The following IQSEC1 variants were observed in gnomAD, a reference collection of about 807,000 sequenced individuals.
IQSEC1 encodes the protein IQ motif and SEC7 domain-containing protein 1.
A neutral mutation model predicts 91.0 loss-of-function variants in IQSEC1; 31 were observed. That is an observed-to-expected ratio of 0.34 (90% CI 0.26 to 0.46). IQSEC1 has a LOEUF of 0.46. IQSEC1 is among the 20% of genes least tolerant of loss of function. The pLI is 1.00. For missense variants in IQSEC1, 1,388 were observed against 1,575.6 expected, an observed-to-expected ratio of 0.88 and a Z score of 2.02; for synonymous variants, 699 against 662.6, an observed-to-expected ratio of 1.05 and a Z score of -0.84.
At chr3:13,014,802 T>C (rs1433010003) in intron 1 of IQSEC1, among the ~76,000 whole-genome samples, 1 of 152,104 alleles carries the variant, frequency 6.6e-6, no homozygotes, top group East Asian at 1.9e-4. Flanking sequence ...CCCAACACGC[T>C]CCCAGCCCCA....
intron 1 of IQSEC1, among the ~76,000 whole-genome samples, chr3:12,953,725 G>A (rs1030151183): frequency 2.0e-5 from 3 of 152,188 alleles, no homozygotes; most frequent in Non-Finnish European, 2.9e-5. Flanking sequence ...CTCTGGTCCC[G>A]AATGCTCTGT....
intron 2 of IQSEC1, among the ~76,000 whole-genome samples, chr3:13,107,034 T>C (rs1410597018): frequency 6.6e-6 from 1 of 152,154 alleles, no homozygotes; most frequent in Non-Finnish European, 1.5e-5. Flanking sequence ...CAAGGAAAAG[T>C]AACAGTGAAC....
intron 1 of IQSEC1, among the ~76,000 whole-genome samples, chr3:13,054,017 C>G (rs988199051): frequency 1.3e-5 from 2 of 152,170 alleles, no homozygotes; most frequent in African/African-American, 4.8e-5. Flanking sequence ...GAAACACTTT[C>G]CCCCACTTCG....
intron 1 of IQSEC1, among the ~76,000 whole-genome samples, chr3:13,036,675 G>C (rs919706085): frequency 1.3e-5 from 2 of 152,102 alleles, no homozygotes; most frequent in African/African-American, 2.4e-5. Flanking sequence ...CAGGAAGCTC[G>C]GCCAGCTTCT....
In IQSEC1 at chr3:13,163,761, G is replaced by C. The variant is rs528527463; in HGVS notation, c.302+343C>G. Among the ~76,000 whole-genome samples, 4 of 151,990 alleles carry C rather than the reference G, an allele frequency of 2.6e-5. No individual in the cohort carries two copies. In the East Asian group the frequency reaches 7.8e-4, roughly 29 times the overall value. On this transcript the variant is annotated intron_variant, in intron 2 of 15. Coordinates refer to the IQSEC1 transcript ENST00000648114. ...GCCCAGCCCAGCCCCAGGGGTGTCA[G>C]GTATAGAAGTTTCTGGTCCTAGACG...
chr3:12,924,661 C>T lies in IQSEC1; in HGVS notation c.1650G>A (p.Leu550=). The change falls in exon 4 of 14, where the codon CTG becomes CTA. Residue 550 remains leucine (L), a synonymous_variant. Coordinates refer to ENST00000613206, the MANE Select transcript of IQSEC1 (RefSeq NM_001134382.3). The surrounding 1 kb of genome is among the most constrained non-coding windows in gnomAD (Gnocchi z 6.3). ...TCTGCCGGCTGAGGCCCTTGCGCTG[C>T]AGCAGGAAGTGGGCCACCCCGACGG... ...DTPVGVAHFL[L]QRKGLSRQMI... 6.2e-7 allele frequency: 1 copy of T among 1,610,904 alleles called. No homozygotes were observed. Among genetic ancestry groups the T allele is most frequent in the Non-Finnish European group, 8.5e-7 (1 of 1,178,526 alleles).
At chr3:13,164,357 C>T (rs1693435487) in intron 1 of IQSEC1, among the ~76,000 whole-genome samples, 1 of 152,184 alleles carries the variant, frequency 6.6e-6, no homozygotes, top group Non-Finnish European at 1.5e-5. Context: ...CTTAGGGTTC[C>T]TTTCCCACCC....
chr3:13,179,048 T>C (rs1693787767), intron 1 of IQSEC1, among the ~76,000 whole-genome samples: 1 of 152,242 alleles, frequency 6.6e-6, no homozygotes, highest in Admixed American at 6.5e-5. Context: ...CTGTTTCTTA[T>C]ATATTGTTAC....
intron 2 of IQSEC1, among the ~76,000 whole-genome samples, chr3:13,121,553 G>A (rs573751306): frequency 2.0e-4 from 30 of 152,314 alleles, no homozygotes; most frequent in Non-Finnish European, 3.5e-4. Context: ...GGGGGAGAAG[G>A]TGCTCTCTGC....
chr3:13,099,054 A>C (rs1331415541), intron 2 of IQSEC1, among the ~76,000 whole-genome samples: 1 of 152,252 alleles, frequency 6.6e-6, no homozygotes, highest in African/African-American at 2.4e-5. Flanking sequence ...TGGGGGGAAC[A>C]GGCCGGGTGT....
At chr3:12,928,984 T>C (rs956173142) in intron 3 of IQSEC1, among the ~76,000 whole-genome samples, 7 of 152,158 alleles carry the variant, frequency 4.6e-5, no homozygotes, top group African/African-American at 1.4e-4. Context: ...AGCACAGTTA[T>C]GGTCCCCATC....
intron 1 of IQSEC1, among the ~76,000 whole-genome samples, chr3:13,251,182 A>G (rs1695188875): frequency 1.3e-5 from 2 of 152,212 alleles, no homozygotes; most frequent in Non-Finnish European, 2.9e-5. Context: ...AGATGTGTAC[A>G]CAGCTCACTT....
chr3:13,146,223 G>A (rs1706894333), intron 2 of IQSEC1, among the ~76,000 whole-genome samples: 1 of 151,788 alleles, frequency 6.6e-6, no homozygotes, highest in South Asian at 2.1e-4. Context: ...CTGGCCTCAA[G>A]TAATCTTCCC....
intron 1 of IQSEC1, among the ~76,000 whole-genome samples, chr3:12,985,365 G>GA (rs1701676122): frequency 6.6e-6 from 1 of 152,170 alleles, no homozygotes; most frequent in South Asian, 2.1e-4. Flanking sequence ...GGCTGGGCCC[G>GA]AGTCAGGTCC....
intron 1 of IQSEC1, among the ~76,000 whole-genome samples, chr3:13,036,942 G>A (rs1340630822): frequency 6.6e-6 from 1 of 152,188 alleles, no homozygotes. Context: ...AAGTCAGCGT[G>A]TGGGCAGAGT....
intron 1 of IQSEC1, among the ~76,000 whole-genome samples, chr3:12,948,340 G>A (rs1699316596): frequency 1.3e-5 from 2 of 152,252 alleles, no homozygotes; most frequent in Admixed American, 6.5e-5. Flanking sequence ...CACCCTGCCT[G>A]CTGTTGAGAC....
At chr3:13,037,199 C>A (rs1245216201) in intron 1 of IQSEC1, among the ~76,000 whole-genome samples, 2 of 152,200 alleles carry the variant, frequency 1.3e-5, no homozygotes, top group Non-Finnish European at 2.9e-5. Flanking sequence ...CTCTCACCCA[C>A]TGCTGGTAAG....
chr3:13,030,898 T>A (rs1703819158), intron 1 of IQSEC1, among the ~76,000 whole-genome samples: 1 of 152,238 alleles, frequency 6.6e-6, no homozygotes, highest in African/African-American at 2.4e-5. Flanking sequence ...CAAGCAGCTA[T>A]CTCCACTTCC....
chr3:13,100,443 C>A (rs184530313), intron 2 of IQSEC1, among the ~76,000 whole-genome samples: 1 of 148,840 alleles, frequency 6.7e-6, no homozygotes, highest in East Asian at 1.9e-4. Context: ...GTTGGCACCC[C>A]AGGGTGGGGT....
Sources: gnomAD v4.1 joint callset for allele counts (sites outside exome capture counted in the v4.1 genomes callset) on GRCh38, gnomAD v4.1.1 for gene constraint, Gnocchi (gnomAD v3.1) non-coding constraint, MANE v1.5 for transcripts, NCBI Gene and HGNC (gene_info 2026-07-23, HGNC 2026-07-21) for gene names.